SGCZ: variants seen among roughly 807,000 people sequenced by gnomAD.
SGCZ encodes the protein zeta-sarcoglycan.
A neutral mutation model predicts 41.3 loss-of-function variants in SGCZ; 40 were observed. The observed-to-expected ratio is 0.97, with a 90% CI of 0.75 to 1.26. The LOEUF (loss-of-function observed/expected upper bound fraction) is 1.26, where lower values mean the gene tolerates loss of function less well. SGCZ is among the 50% of genes most tolerant of loss of function. SGCZ has a pLI of 0.00. For synonymous variants in SGCZ, 206 were observed against 137.5 expected, an observed-to-expected ratio of 1.50 and a Z score of -3.49; for missense variants, 552 against 369.8, an observed-to-expected ratio of 1.49 and a Z score of -4.04.
chr8:14,607,612 G>A (rs4240172), intron 1 of SGCZ, among the ~76,000 whole-genome samples: 145,455 of 152,144 alleles, frequency 0.96, 69,617 homozygotes, highest in South Asian at 0.99. Flanking sequence ...TCAATTAACT[G>A]TCTAGACTGT....
In SGCZ at chr8:14,575,792, G is replaced by A. The variant is rs370553068; in HGVS notation, c.40-20866C>T. 2.0e-4 allele frequency among the ~76,000 whole-genome samples: 30 copies of A among 151,992 alleles called. No homozygotes were observed. In the South Asian group the frequency reaches 4.4e-3, roughly 22 times the overall value. On this transcript the variant is annotated intron_variant, in intron 1 of 7. Transcript: ENST00000382080. ...ATGGCGGAACATGCCTGTAATCCCA[G>A]CTACTTTGGAGGCTGAGGCAGGAGA...
chr8:14,506,723 A>C (rs1399390017), intron 2 of SGCZ, among the ~76,000 whole-genome samples: 1 of 152,170 alleles, frequency 6.6e-6, no homozygotes, highest in Non-Finnish European at 1.5e-5. Context: ...TATGTTACTA[A>C]ATTGAATGGT....
chr8:14,952,386 G>A (rs999721678), intron 1 of SGCZ, among the ~76,000 whole-genome samples: 2 of 152,058 alleles, frequency 1.3e-5, no homozygotes, highest in East Asian at 1.9e-4. Context: ...ACCCACATAG[G>A]TCTGTTACAT....
intron 1 of SGCZ, among the ~76,000 whole-genome samples, chr8:14,809,595 G>C (rs777974756): frequency 1.3e-5 from 2 of 152,016 alleles, no homozygotes; most frequent in Non-Finnish European, 2.9e-5. Flanking sequence ...ATTATTTTGA[G>C]GTAGAGCACA....
At chr8:14,729,867 T>C (rs180674039) in intron 1 of SGCZ, among the ~76,000 whole-genome samples, 3 of 152,220 alleles carry the variant, frequency 2.0e-5, no homozygotes, top group Non-Finnish European at 2.9e-5. Flanking sequence ...GGCAGACCAA[T>C]TGAGGTCAGG....
chr8:14,386,596 T>A (rs933590305), intron 2 of SGCZ, among the ~76,000 whole-genome samples: 1 of 152,222 alleles, frequency 6.6e-6, no homozygotes, highest in African/African-American at 2.4e-5. Flanking sequence ...AACTTCTATG[T>A]TGTATATTTT....
In SGCZ at chr8:14,086,170, T is replaced by G. The variant is rs1585120104; in HGVS notation, c.*4273A>C. Among the ~76,000 whole-genome samples the G allele has an allele frequency of 6.6e-6, 1 of 151,790 alleles. No homozygotes were observed. Among genetic ancestry groups the G allele is most frequent in the East Asian group, 1.9e-4 (1 of 5,134 alleles). Reference sequence around the variant, plus strand: ...TATTAGACCACAGCTATTTGAAGAATTAGGTGACAAGACCTCACTCATATA... The same window carrying G: ...TATTAGACCACAGCTATTTGAAGAAGTAGGTGACAAGACCTCACTCATATA... On this transcript the variant is annotated 3_prime_UTR_variant, in exon 8 of 8. Coordinates refer to ENST00000382080, the MANE Select transcript of SGCZ (RefSeq NM_139167.4).
intron 1 of SGCZ, among the ~76,000 whole-genome samples, chr8:15,154,116 C>T (rs12548485): frequency 0.21 from 32,218 of 152,014 alleles, 3,810 homozygotes; most frequent in East Asian, 0.47. Flanking sequence ...GCATGTGGCC[C>T]GGTTCCTAAC....
intron 4 of SGCZ, among the ~76,000 whole-genome samples, chr8:14,194,995 A>G (rs1212519489): frequency 6.6e-6 from 1 of 152,126 alleles, no homozygotes; most frequent in African/African-American, 2.4e-5. Flanking sequence ...AACCAGAAAT[A>G]AGTTTAAGAA....
In SGCZ at chr8:15,156,154, T is replaced by C. The variant is rs545135443; in HGVS notation, c.39+81431A>G. 4.6e-5 allele frequency among the ~76,000 whole-genome samples: 7 copies of C among 152,188 alleles called. 1 individual carries two copies. Among genetic ancestry groups the C allele is most frequent in the Middle Eastern group, 6.8e-3 (2 of 294 alleles). ...ATGCCACATTTATAGGTAACTTTCA[T>C]TTTTTTCTGTATGTTTCACTCCAGT... On this transcript the variant is annotated intron_variant, in intron 1 of 7. Transcript: ENST00000382080.
intron 1 of SGCZ, among the ~76,000 whole-genome samples, chr8:14,913,695 A>C: frequency 6.6e-6 from 1 of 152,042 alleles, no homozygotes; most frequent in East Asian, 1.9e-4. Flanking sequence ...TATGTGTGGG[A>C]TATATTTAAT....
intron 1 of SGCZ, among the ~76,000 whole-genome samples, chr8:15,099,044 C>T (rs555360722): frequency 6.6e-6 from 1 of 152,274 alleles, no homozygotes; most frequent in Non-Finnish European, 1.5e-5. Context: ...AGTGACAGAG[C>T]GAGACTCCGT....
intron 1 of SGCZ, among the ~76,000 whole-genome samples, chr8:14,740,380 G>GGT (rs144797620): frequency 0.028 from 4,277 of 151,920 alleles, 214 homozygotes; most frequent in African/African-American, 0.098. Flanking sequence ...TGTAGGTAGG[G>GGT]GTGTGTGTGT....
At chr8:14,177,980 C>T (rs1157923990) in intron 4 of SGCZ, among the ~76,000 whole-genome samples, 100 of 2,348 alleles carry the variant, frequency 0.043, 1 homozygote, top group East Asian at 0.27. Flanking sequence ...TTTTTTGAGA[C>T]GAAGTCTCAC....
intron 1 of SGCZ, among the ~76,000 whole-genome samples, chr8:14,843,795 C>T (rs974344321): frequency 1.3e-5 from 2 of 151,884 alleles, no homozygotes; most frequent in African/African-American, 2.4e-5. Flanking sequence ...TCATTAATTG[C>T]CTTACATTGC....
intron 1 of SGCZ, among the ~76,000 whole-genome samples, chr8:15,082,146 T>G (rs1483591538): frequency 2.6e-5 from 4 of 152,042 alleles, no homozygotes; most frequent in African/African-American, 9.6e-5. Context: ...GGAGAATCGC[T>G]TGAACCCAGG....
intron 1 of SGCZ, among the ~76,000 whole-genome samples, chr8:15,115,008 A>C (rs1008871603): frequency 6.6e-6 from 1 of 152,212 alleles, no homozygotes; most frequent in African/African-American, 2.4e-5. Context: ...AGTTATGATA[A>C]AACTGGCCAT....
intron 4 of SGCZ, among the ~76,000 whole-genome samples, chr8:14,168,373 C>A (rs557729700): frequency 9.9e-5 from 15 of 152,172 alleles, no homozygotes; most frequent in Admixed American, 9.8e-4. Context: ...TCTCCCCACC[C>A]AAATTTCATA....
chr8:14,343,600 A>G (rs1276577967), intron 2 of SGCZ, among the ~76,000 whole-genome samples: 1 of 152,202 alleles, frequency 6.6e-6, no homozygotes, highest in African/African-American at 2.4e-5. Context: ...CAAAAATTAA[A>G]TACTAGTGCT....
Sources: allele counts gnomAD v4.1 joint callset (sites outside exome capture counted in the v4.1 genomes callset), GRCh38; gene constraint gnomAD v4.1.1; transcripts MANE v1.5; gene names NCBI Gene and HGNC (gene_info 2026-07-23, HGNC 2026-07-21).